The following ZNF451 variants were observed in gnomAD, a reference collection of about 807,000 sequenced individuals.
ZNF451 encodes the protein E3 SUMO-protein ligase ZNF451.
ZNF451 carries 80 observed loss-of-function variants against 107.1 expected under a neutral mutation model. That is an observed-to-expected ratio of 0.75 (90% confidence interval 0.62 to 0.90). The LOEUF (loss-of-function observed/expected upper bound fraction) is 0.90. Ranked by LOEUF, ZNF451 falls within the 40% of genes least tolerant of loss-of-function variation. The pLI, the probability that ZNF451 is intolerant of heterozygous loss-of-function variation, is 0.00. For synonymous variants in ZNF451, 362 were observed against 406.5 expected, an observed-to-expected ratio of 0.89 and a Z score of 1.32; for missense variants, 1,107 against 1,236.2, an observed-to-expected ratio of 0.90 and a Z score of 1.57.
chr6:57,135,297 CTAAG>C (rs1188423184), intron 7 of ZNF451, among the ~76,000 whole-genome samples: 2 of 152,068 alleles, frequency 1.3e-5, no homozygotes, highest in South Asian at 2.1e-4. Flanking sequence ...TCATATAATT[CTAAG>C]TAAGTGTTAA....
At chr6:57,150,323 G>A (rs1832284882) in intron 10 of ZNF451, among the ~76,000 whole-genome samples, 1 of 152,134 alleles carries the variant, frequency 6.6e-6, no homozygotes, top group Admixed American at 6.5e-5. Flanking sequence ...TGGTGAAAAT[G>A]TTCTTAATAG....
At chr6:57,144,294 G>A (rs911585069) in intron 9 of ZNF451, among the ~76,000 whole-genome samples, 1 of 141,072 alleles carries the variant, frequency 7.1e-6, no homozygotes, top group Non-Finnish European at 1.5e-5. Context: ...AGGCTGGAGT[G>A]CAATGGTGCA....
Position 57,147,961 on chromosome 6 carries a change from A to G in ZNF451, c.1876A>G (p.Met626Val). The stretch of plus-strand genomic sequence containing the variant: ...CCAGGAATATGTAAAACAGCACTGC[A>G]TGTCTTTGGCAAGCCACAAGTTTCA... Reference protein sequence around the residue: ...DSQEYVKQHCMSLASHKFHRY... With the variant: ...DSQEYVKQHCVSLASHKFHRY... Residue 626 changes from methionine (M) to valine (V), a missense_variant, in exon 10 of 15, where the codon ATG becomes GTG. This residue lies in a region of ZNF451 where 608 missense variants were observed against 649.2 expected (regional missense o/e 0.94). Coordinates refer to ENST00000370706, the MANE Select transcript of ZNF451 (RefSeq NM_001031623.3). 6.2e-7 allele frequency: 1 copy of G among 1,614,126 alleles called. No homozygotes were observed. Among genetic ancestry groups the G allele is most frequent in the Non-Finnish European group, 8.5e-7 (1 of 1,179,980 alleles).
chr6:57,167,182 T>TATAC (rs532706658), intron 14 of ZNF451, among the ~76,000 whole-genome samples: 8 of 149,930 alleles, frequency 5.3e-5, no homozygotes, highest in African/African-American at 2.4e-5. Context: ...CGTATATATA[T>TATAC]ACACACACAC....
At chr6:57,121,805 C>T (rs956658466) in intron 3 of ZNF451, among the ~76,000 whole-genome samples, 2 of 152,066 alleles carry the variant, frequency 1.3e-5, no homozygotes, top group African/African-American at 4.8e-5. Context: ...CCATTCTGCC[C>T]AAAGCATTCT....
chr6:57,108,656 C>G (rs1000297669), intron 3 of ZNF451: 3 of 985,382 alleles, frequency 3.0e-6, no homozygotes, highest in Non-Finnish European at 3.6e-6. Context: ...ATTGATCTTT[C>G]TTTAATGGCT....
chr6:57,108,119 G>T, intron 3 of ZNF451: 3 of 984,046 alleles, frequency 3.0e-6, no homozygotes, highest in African/African-American at 1.7e-5. Context: ...GATTACAGGC[G>T]TGAGCCACAG....
chr6:57,126,390 T>C (rs939169281), intron 4 of ZNF451: 4 of 151,968 alleles, frequency 2.6e-5, no homozygotes, highest in Non-Finnish European at 4.4e-5. Context: ...TAAAAGTAGA[T>C]GACAAAACAA....
chr6:57,167,828 G>T (rs1473269170), intron 14 of ZNF451, among the ~76,000 whole-genome samples: 1 of 152,126 alleles, frequency 6.6e-6, no homozygotes, highest in East Asian at 1.9e-4. Context: ...GCTGTTCCTG[G>T]TATATAATGG....
chr6:57,146,769 T>A (rs1282873384), intron 9 of ZNF451, among the ~76,000 whole-genome samples: 2 of 152,080 alleles, frequency 1.3e-5, no homozygotes, highest in Non-Finnish European at 2.9e-5. Flanking sequence ...CCATGGAGAG[T>A]CTAATAATTT....
Position 57,148,509 on chromosome 6 carries a change from C to T in ZNF451, c.2424C>T (p.Phe808=). Reference sequence around the variant, plus strand: ...ATCCTGAGAGTGCACAGCAGCATTTCCATAGAAAACATTGCTTCTTACAGA... The same window carrying T: ...ATCCTGAGAGTGCACAGCAGCATTTTCATAGAAAACATTGCTTCTTACAGA... The part of the protein sequence containing the change: ...FHDPESAQQH[F]HRKHCFLQKP... Residue 808 remains phenylalanine, a synonymous_variant, in exon 10 of 15, where the codon TTC becomes TTT. Coordinates refer to ENST00000370706, the MANE Select transcript of ZNF451 (RefSeq NM_001031623.3). 6.2e-7 allele frequency: 1 copy of T among 1,614,080 alleles called. No homozygotes were observed. The highest frequency in any genetic ancestry group is 1.1e-5 in the South Asian group (1 of 91,076).
At chr6:57,140,749 A>G (rs1831714774) in intron 7 of ZNF451, among the ~76,000 whole-genome samples, 1 of 152,224 alleles carries the variant, frequency 6.6e-6, no homozygotes, top group East Asian at 1.9e-4. Flanking sequence ...ACCATTAAGA[A>G]GCATTAATTA....
At chr6:57,149,657 C>T (rs1449784371) in intron 10 of ZNF451, among the ~76,000 whole-genome samples, 4 of 152,106 alleles carry the variant, frequency 2.6e-5, no homozygotes, top group Non-Finnish European at 4.4e-5. Context: ...TTTTTATGAA[C>T]TATTGAATTT....
intron 3 of ZNF451, among the ~76,000 whole-genome samples, chr6:57,118,071 T>C (rs1171567138): frequency 1.3e-5 from 2 of 152,214 alleles, no homozygotes; most frequent in African/African-American, 4.8e-5. Context: ...GGAAATATTT[T>C]GTTTGGTGTA....
intron 7 of ZNF451, 95 bp from the exon 8 acceptor site, chr6:57,141,207 C>T (rs1034249828): frequency 1.9e-5 from 20 of 1,066,042 alleles, no homozygotes; most frequent in Admixed American, 1.5e-4. Context: ...CAGGATATTG[C>T]GAATAAACAA....
At chr6:57,121,099 G>A (rs900623576) in intron 3 of ZNF451, among the ~76,000 whole-genome samples, 2 of 151,996 alleles carry the variant, frequency 1.3e-5, no homozygotes, top group South Asian at 2.1e-4. Context: ...TGTTTTTTGC[G>A]TGTGGATGTC....
chr6:57,102,485 T>C (rs997225123), intron 3 of ZNF451: 3 of 994,086 alleles, frequency 3.0e-6, no homozygotes, highest in African/African-American at 1.7e-5. Flanking sequence ...CTAGAAATAA[T>C]ACTAGATGTC....
At chr6:57,144,487 C>T (rs1403536317) in intron 9 of ZNF451, among the ~76,000 whole-genome samples, 2 of 151,764 alleles carry the variant, frequency 1.3e-5, no homozygotes, top group African/African-American at 4.8e-5. Context: ...GTGATCTGTC[C>T]GCCTCAGCCT....
At chr6:57,128,555 C>T (rs1047556543) in intron 4 of ZNF451, among the ~76,000 whole-genome samples, 174 bp from the exon 5 acceptor site, 8 of 152,170 alleles carry the variant, frequency 5.3e-5, no homozygotes, top group Non-Finnish European at 5.9e-5. Context: ...CACTGGTATA[C>T]ACATCTTAGA....
Sources: gnomAD v4.1 joint callset for allele counts (sites outside exome capture counted in the v4.1 genomes callset) on GRCh38, gnomAD v4.1.1 for gene constraint, gnomAD v4.1.1 regional missense constraint, MANE v1.5 for transcripts, NCBI Gene and HGNC (gene_info 2026-07-23, HGNC 2026-07-21) for gene names.